Variants in SLC8A1 observed in about 807,000 individuals in gnomAD.
The protein encoded by SLC8A1 is sodium/calcium exchanger 1.
SLC8A1 carries 18 observed loss-of-function variants against 68.3 expected under a neutral mutation model. The observed-to-expected ratio is 0.26, with a 90% CI of 0.18 to 0.39. The LOEUF is 0.39. Ranked by LOEUF, SLC8A1 falls within the 10% of genes least tolerant of loss-of-function variation. The pLI is 1.00. For synonymous variants in SLC8A1, 475 were observed against 415.5 expected (o/e 1.14, Z -1.74); for missense variants, 985 against 1,156.7 (o/e 0.85, Z 2.15).
chr2:40,381,565 C>A (rs998510579), intron 2 of SLC8A1, among the ~76,000 whole-genome samples: 1 of 151,888 alleles, frequency 6.6e-6, no homozygotes, highest in African/African-American at 2.4e-5. Context: ...CCATTCTTCC[C>A]ATCTCCATAA....
chr2:40,383,557 A>G (rs560754798), intron 2 of SLC8A1, among the ~76,000 whole-genome samples: 6 of 152,256 alleles, frequency 3.9e-5, no homozygotes, highest in South Asian at 4.1e-4. Context: ...TTCTAGATTT[A>G]CAACTATGAT....
intron 1 of SLC8A1, among the ~76,000 whole-genome samples, chr2:40,486,263 G>T (rs116563871): frequency 1.0e-3 from 154 of 152,216 alleles, no homozygotes; most frequent in African/African-American, 3.6e-3. Flanking sequence ...AAATTACCTA[G>T]TCTCTGATAT....
chr2:40,314,336 A>G (rs1192750924), intron 2 of SLC8A1, among the ~76,000 whole-genome samples: 1 of 151,918 alleles, frequency 6.6e-6, no homozygotes, highest in Non-Finnish European at 1.5e-5. Flanking sequence ...ATCTATTTCC[A>G]TAGTTTATTC....
intron 2 of SLC8A1, among the ~76,000 whole-genome samples, chr2:40,211,211 C>G (rs2056523101): frequency 6.6e-6 from 1 of 152,220 alleles, no homozygotes; most frequent in Non-Finnish European, 1.5e-5. Context: ...ACTGTGCATA[C>G]TCATGAGATC....
chr2:40,098,225 A>G (rs1190356559), exon 8 of SLC8A1: 2 of 152,072 alleles, frequency 1.3e-5, no homozygotes, highest in African/African-American at 4.8e-5. Context: ...GTGTACATTG[A>G]ATCACAGAGT....
chr2:40,327,658 G>C (rs2075981071), intron 2 of SLC8A1, among the ~76,000 whole-genome samples: 1 of 152,108 alleles, frequency 6.6e-6, no homozygotes, highest in African/African-American at 2.4e-5. Context: ...TGCAGGAACA[G>C]AAAATCAAAT....
chr2:40,283,682 T>C (rs2067841586), intron 2 of SLC8A1, among the ~76,000 whole-genome samples: 2 of 152,210 alleles, frequency 1.3e-5, no homozygotes, highest in Non-Finnish European at 2.9e-5. Flanking sequence ...AGCTCCATGC[T>C]CTTTATCTCA....
chr2:40,302,266 C>T (rs1470357591), intron 2 of SLC8A1, among the ~76,000 whole-genome samples: 3 of 151,998 alleles, frequency 2.0e-5, no homozygotes, highest in Non-Finnish European at 4.4e-5. Flanking sequence ...TCCATTGTAT[C>T]ATTTTTATGC....
chr2:40,333,437 C>CAAAAAAAAAAAAAAAAA, intron 2 of SLC8A1, among the ~76,000 whole-genome samples: 1 of 73,836 alleles, frequency 1.4e-5, no homozygotes, highest in African/African-American at 4.1e-5. Context: ...GACTCCGTCT[C>CAAAAAAAAAAAAAAAAA]AAAAAAAAAA....
chr2:40,303,106 A>G (rs1245537073), intron 2 of SLC8A1, among the ~76,000 whole-genome samples: 1 of 152,232 alleles, frequency 6.6e-6, no homozygotes, highest in African/African-American at 2.4e-5. Flanking sequence ...ACACACTGCC[A>G]AAATCTGATT....
intron 2 of SLC8A1, among the ~76,000 whole-genome samples, chr2:40,255,621 A>C (rs2063786124): frequency 6.6e-6 from 1 of 152,166 alleles, no homozygotes; most frequent in African/African-American, 2.4e-5. Flanking sequence ...TTGTATAGTG[A>C]AGGCCTCCAG....
At chr2:40,222,457 T>C (rs1414451579) in intron 2 of SLC8A1, among the ~76,000 whole-genome samples, 1 of 152,164 alleles carries the variant, frequency 6.6e-6, no homozygotes, top group Non-Finnish European at 1.5e-5. Context: ...ATTCAGGACA[T>C]AGGCATGGGC....
chr2:40,286,953 C>G (rs2068416667), intron 2 of SLC8A1, among the ~76,000 whole-genome samples: 1 of 152,196 alleles, frequency 6.6e-6, no homozygotes, highest in South Asian at 2.1e-4. Context: ...TTTGGGCCAT[C>G]TGAGTGCAAT....
exon 8 of SLC8A1, chr2:40,098,159 T>G (rs2033685307): frequency 6.6e-6 from 1 of 152,076 alleles, no homozygotes; most frequent in Non-Finnish European, 1.5e-5. Context: ...TATGAATCTC[T>G]GGCTCATGCC....
chr2:40,347,821 A>T (rs74440282), intron 2 of SLC8A1, among the ~76,000 whole-genome samples: 1,856 of 152,346 alleles, frequency 0.012, 41 homozygotes, highest in African/African-American at 0.043. Flanking sequence ...AGATTTCTCT[A>T]ATTTCAAAGT....
At chr2:40,150,801 T>C (rs1382795801) in intron 6 of SLC8A1, among the ~76,000 whole-genome samples, 3 of 152,228 alleles carry the variant, frequency 2.0e-5, no homozygotes, top group East Asian at 1.9e-4. Context: ...AATTGCTTTT[T>C]TTCTCCCACC....
At chr2:40,266,695 T>A (rs1391436059) in intron 2 of SLC8A1, among the ~76,000 whole-genome samples, 1 of 152,226 alleles carries the variant, frequency 6.6e-6, no homozygotes, top group Non-Finnish European at 1.5e-5. Flanking sequence ...TACCTCATCC[T>A]TCTCCATGGA....
chr2:40,150,161 C>T (rs977026154), intron 6 of SLC8A1, among the ~76,000 whole-genome samples: 6 of 152,000 alleles, frequency 3.9e-5, no homozygotes, highest in African/African-American at 1.5e-4. Flanking sequence ...ACACAACACC[C>T]AGCCAGACCT....
intron 2 of SLC8A1, among the ~76,000 whole-genome samples, chr2:40,404,830 G>A (rs905548780): frequency 2.6e-5 from 4 of 152,182 alleles, no homozygotes; most frequent in Non-Finnish European, 5.9e-5. Context: ...AATGAATGCT[G>A]AAAAGTAGGG....
Sources: gnomAD v4.1 joint callset for allele counts (sites outside exome capture counted in the v4.1 genomes callset) on GRCh38, gnomAD v4.1.1 for gene constraint, MANE v1.5 for transcripts, NCBI Gene and HGNC (gene_info 2026-07-23, HGNC 2026-07-21) for gene names.